The following FBXO4 variants were observed in gnomAD, a reference collection of about 807,000 sequenced individuals.
The protein encoded by FBXO4 is F-box protein 4, also known as F-box only protein 4.
FBXO4 carries 36 observed loss-of-function variants against 43.7 expected under a neutral mutation model. The ratio of observed to expected loss-of-function variants is 0.82; its 90% CI spans 0.63 to 1.09. The LOEUF (loss-of-function observed/expected upper bound fraction) is 1.09. Among genes scored for constraint, FBXO4 ranks in the 50% least tolerant of loss-of-function variants. The pLI, the probability that FBXO4 is intolerant of heterozygous loss-of-function variation, is 0.00. For missense variants in FBXO4, 435 were observed against 474.1 expected, an observed-to-expected ratio of 0.92 and a Z score of 0.77; for synonymous variants, 180 against 165.6, an observed-to-expected ratio of 1.09 and a Z score of -0.67.
intron 2 of FBXO4, 62 bp from the exon 3 acceptor site, chr5:41,929,634 AT>A: frequency 1.6e-6 from 2 of 1,228,062 alleles, no homozygotes; most frequent in Non-Finnish European, 2.3e-6. Context: ...TAAATTATAT[AT>A]TTTTGAATGA....
At chr5:41,976,808 T>G in the FBXO4 span, among the ~76,000 whole-genome samples, 1 of 152,202 alleles carries the variant, frequency 6.6e-6, no homozygotes, top group Non-Finnish European at 1.5e-5. Flanking sequence ...AGGCCATGTC[T>G]GTGTGGGGGC....
the FBXO4 span, among the ~76,000 whole-genome samples, chr5:41,964,483 G>T: frequency 0.023 from 3,485 of 151,084 alleles, 55 homozygotes; most frequent in South Asian, 0.062. Flanking sequence ...AAATATTTTG[G>T]AAAAGACAAC....
intron 1 of FBXO4, 80 bp from the exon 2 acceptor site, chr5:41,926,933 A>G (rs1226687468): frequency 1.3e-6 from 1 of 757,476 alleles, no homozygotes; most frequent in Non-Finnish European, 2.2e-6. Context: ...TTTGTTATTT[A>G]TTTGTTGATT....
At chr5:41,952,367 G>A in the FBXO4 span, among the ~76,000 whole-genome samples, 2 of 152,164 alleles carry the variant, frequency 1.3e-5, no homozygotes, top group African/African-American at 2.4e-5. Context: ...TTTGTTGTTC[G>A]TGCCTTTCAA....
At chr5:41,964,904 A>T in the FBXO4 span, among the ~76,000 whole-genome samples, 3 of 152,080 alleles carry the variant, frequency 2.0e-5, no homozygotes, top group East Asian at 3.9e-4. Flanking sequence ...CCCATTTGTC[A>T]ATTTTGGCTT....
the FBXO4 span, among the ~76,000 whole-genome samples, chr5:42,011,577 GATATTTTAT>G: frequency 1.3e-5 from 2 of 152,164 alleles, no homozygotes; most frequent in African/African-American, 4.8e-5. Context: ...GGCTCTTACG[GATATTTTAT>G]ATATATTTAT....
At chr5:42,039,506 G>A in the FBXO4 span, among the ~76,000 whole-genome samples, 2 of 151,962 alleles carry the variant, frequency 1.3e-5, no homozygotes, top group South Asian at 4.1e-4. Context: ...TTTCTCCTCT[G>A]TCAGTAATGT....
chr5:41,933,700 GTGA>G (rs1386619248), intron 3 of FBXO4, among the ~76,000 whole-genome samples: 1 of 152,148 alleles, frequency 6.6e-6, no homozygotes, highest in African/African-American at 2.4e-5. Flanking sequence ...GTTGATGATA[GTGA>G]TGATGATATA....
chr5:41,988,475 G>A, the FBXO4 span, among the ~76,000 whole-genome samples: 3 of 152,154 alleles, frequency 2.0e-5, no homozygotes, highest in African/African-American at 7.2e-5. Context: ...ACATGGTAGA[G>A]CTCCAGGAGG....
At chr5:41,985,050 C>T in the FBXO4 span, among the ~76,000 whole-genome samples, 3 of 152,142 alleles carry the variant, frequency 2.0e-5, no homozygotes, top group African/African-American at 7.2e-5. Context: ...TATTTCTTGC[C>T]TAGATTGGAC....
At chr5:41,930,837 T>C (rs1751666404) in intron 3 of FBXO4, among the ~76,000 whole-genome samples, 1 of 152,170 alleles carries the variant, frequency 6.6e-6, no homozygotes, top group African/African-American at 2.4e-5. Flanking sequence ...TTGGTATTTT[T>C]AGTAGAGACG....
At chr5:41,951,838 A>T in the FBXO4 span, 11 of 216,746 alleles carry the variant, frequency 5.1e-5, no homozygotes, top group African/African-American at 2.6e-4. Context: ...CCAGCAATGT[A>T]ACTCCTGTAA....
At chr5:41,980,427 A>C in the FBXO4 span, among the ~76,000 whole-genome samples, 1 of 152,142 alleles carries the variant, frequency 6.6e-6, no homozygotes, top group Admixed American at 6.5e-5. Flanking sequence ...CTCATTCCTT[A>C]CTCCGTTTTC....
intron 1 of FBXO4, among the ~76,000 whole-genome samples, chr5:41,925,747 C>T (rs182024347): frequency 6.6e-6 from 1 of 152,200 alleles, no homozygotes; most frequent in Admixed American, 6.5e-5. Context: ...CCCTGGGGAC[C>T]CTCCCGATCG....
chr5:41,985,964 A>G, the FBXO4 span, among the ~76,000 whole-genome samples: 3 of 152,186 alleles, frequency 2.0e-5, no homozygotes, highest in Non-Finnish European at 2.9e-5. Flanking sequence ...TTTTATACTC[A>G]TTGATTTCAA....
the FBXO4 span, among the ~76,000 whole-genome samples, chr5:42,023,672 G>A: frequency 6.6e-6 from 1 of 151,686 alleles, no homozygotes; most frequent in Non-Finnish European, 1.5e-5. Flanking sequence ...CACAAACAAG[G>A]GCAAAGCAGA....
chr5:42,022,441 A>G, the FBXO4 span, among the ~76,000 whole-genome samples: 1 of 152,224 alleles, frequency 6.6e-6, no homozygotes, highest in African/African-American at 2.4e-5. Flanking sequence ...TTCTGCTTGT[A>G]TTAAATAGCC....
At chr5:41,991,723 C>A in the FBXO4 span, among the ~76,000 whole-genome samples, 1 of 152,214 alleles carries the variant, frequency 6.6e-6, no homozygotes, top group Non-Finnish European at 1.5e-5. Flanking sequence ...ATCTCCTAAT[C>A]TGTAGAGGTA....
the FBXO4 span, among the ~76,000 whole-genome samples, chr5:41,958,953 A>G: frequency 5.9e-5 from 9 of 152,206 alleles, no homozygotes; most frequent in African/African-American, 1.9e-4. Flanking sequence ...TTCTATTTTT[A>G]TATTTTTAAG....
Sources: allele counts gnomAD v4.1 joint callset (sites outside exome capture counted in the v4.1 genomes callset), GRCh38; gene constraint gnomAD v4.1.1; transcripts MANE v1.5; gene names NCBI Gene and HGNC (gene_info 2026-07-23, HGNC 2026-07-21).